KCNJ9: variants seen among roughly 807,000 people sequenced by gnomAD.
KCNJ9 encodes G protein-activated inward rectifier potassium channel 3.
A neutral mutation model predicts 27.9 loss-of-function variants in KCNJ9; 18 were observed. The observed-to-expected ratio is 0.65, with a 90% CI of 0.45 to 0.96. KCNJ9 has a LOEUF of 0.96. KCNJ9 is among the 40% of genes least tolerant of loss of function. The probability of loss-of-function intolerance (pLI) is 0.00; values close to 1 mark genes in which losing one functional copy is unlikely to be tolerated. For missense variants in KCNJ9, 324 were observed against 557.5 expected (o/e 0.58, Z 4.22); for synonymous variants, 229 against 248.2 (o/e 0.92, Z 0.73).
Position 160,090,432 on chromosome 1 carries a change from A to G in KCNJ9, c.*2615A>G, listed in dbSNP as rs929697807. Reference sequence around the variant, plus strand: ...TACAGTGCAACAAGTCAGGAGACCTAGGTCCTACTCCTGACACTTGCTAAT... The same window carrying G: ...TACAGTGCAACAAGTCAGGAGACCTGGGTCCTACTCCTGACACTTGCTAAT... On this transcript the variant is annotated 3_prime_UTR_variant, in exon 3 of 3. Coordinates refer to ENST00000368088, the MANE Select transcript of KCNJ9 (RefSeq NM_004983.3). 2 of 152,472 alleles carry G rather than the reference A, an allele frequency of 1.3e-5. No individual in the cohort carries two copies. Among genetic ancestry groups the G allele is most frequent in the African/African-American group, 4.8e-5 (2 of 41,448 alleles). The allele number at this position is 152,472 out of a possible 1,614,324, so 9.4% of individuals were successfully genotyped here.
rs1334961572 is a variant in KCNJ9 at position 160,084,048 on chromosome 1, G to A, written c.18G>A (p.Ala6=). 2 of 1,516,178 alleles carry A rather than the reference G, an allele frequency of 1.3e-6. No homozygotes were observed. Among genetic ancestry groups the A allele is most frequent in the East Asian group, 2.5e-5 (1 of 40,048 alleles). The allele number at this position is 1,516,178 out of a possible 1,614,324, so 93.9% of individuals were successfully genotyped here. MAQEN[A]AFSPGQEEPP... is the part of the protein sequence containing the mutation. Reference sequence around the variant, plus strand: ...CGGCCGCCATGGCGCAGGAGAACGCGGCCTTCTCGCCCGGGCAGGAGGAGC... The same window carrying A: ...CGGCCGCCATGGCGCAGGAGAACGCAGCCTTCTCGCCCGGGCAGGAGGAGC... The change falls in exon 2 of 3, where the codon GCG becomes GCA. Residue 6 remains alanine (A), a synonymous_variant. Transcript: ENST00000368088.
At position 160,088,155 on chromosome 1, in the gene KCNJ9, T is replaced by C. The variant is rs1049900805; in HGVS notation, c.*338T>C. 7 of 253,530 alleles carry C rather than the reference T, an allele frequency of 2.8e-5. No individual in the cohort carries two copies. The highest frequency in any genetic ancestry group is 1.5e-4 in the East Asian group (2 of 13,606). The allele number at this position is 253,530 out of a possible 1,614,324, so 15.7% of individuals were successfully genotyped here. On this transcript the variant is annotated 3_prime_UTR_variant, in exon 3 of 3. Transcript: ENST00000368088. ...CAGATAAAGACAGCTGACAGATACA[T>C]AGATGGACCAGTAGACAACTGGTCC...
rs756062305 is a variant in KCNJ9, at chr1:160,087,702, G to T, written c.1067G>T (p.Arg356Leu). 2 of 1,417,188 alleles carry T rather than the reference G, an allele frequency of 1.4e-6. No homozygotes were observed. Among genetic ancestry groups the T allele is most frequent in the South Asian group, 2.5e-5 (2 of 81,084 alleles). The allele number at this position is 1,417,188 out of a possible 1,614,324, so 87.8% of individuals were successfully genotyped here. Residue 356 changes from arginine to leucine, a missense_variant, in exon 3 of 3, where the codon CGG (arginine) becomes CTG (leucine). This residue lies in a region of KCNJ9 where 51 missense variants were observed against 44.1 expected (regional missense o/e 1.16). Coordinates refer to ENST00000368088, the MANE Select transcript of KCNJ9 (RefSeq NM_004983.3). ...DAHLYWSIPS[R>L]LDEKVEEEGA... ...CATCTCTACTGGTCCATCCCCAGCC[G>T]GCTGGATGAGAAGGTGGAGGAGGAG...
Position 160,087,702 on chromosome 1 carries a change from G to A in KCNJ9, c.1067G>A (p.Arg356Gln), listed in dbSNP as rs756062305. 1.4e-5 allele frequency: 20 copies of A among 1,417,060 alleles called. No homozygotes were observed. Among genetic ancestry groups the A allele is most frequent in the East Asian group, 3.3e-5 (1 of 30,612 alleles). 87.8% of individuals were successfully genotyped at this position (1,417,060 alleles called of 1,614,324 possible). Residue 356 changes from arginine (R) to glutamine (Q), a missense_variant, in exon 3 of 3, where the codon CGG (arginine) becomes CAG (glutamine). Arg to Gln is a conservative substitution (Grantham distance 43). Transcript: ENST00000368088. ...DAHLYWSIPSRLDEKVEEEGA... is the reference protein window; with the variant it reads ...DAHLYWSIPSQLDEKVEEEGA... Reference sequence around the variant, plus strand: ...CATCTCTACTGGTCCATCCCCAGCCGGCTGGATGAGAAGGTGGAGGAGGAG... The same window carrying A: ...CATCTCTACTGGTCCATCCCCAGCCAGCTGGATGAGAAGGTGGAGGAGGAG...
intron 2 of KCNJ9, 40 bp downstream of exon 2, chr1:160,084,920 G>A (rs1182660125): frequency 1.3e-6 from 2 of 1,486,740 alleles, no homozygotes; most frequent in Non-Finnish European, 9.0e-7. Context: ...GTTGGCAGAG[G>A]GTGGGCGGGA....
intron 2 of KCNJ9, among the ~76,000 whole-genome samples, chr1:160,086,810 A>G (rs1480391660): frequency 6.6e-6 from 1 of 152,248 alleles, no homozygotes; most frequent in African/African-American, 2.4e-5. Flanking sequence ...TACTATACTC[A>G]AAATGCTTAA....
At chr1:160,083,814 A>C (rs1011226971) in intron 1 of KCNJ9, 103 bp from the exon 2 acceptor site, 1 of 309,960 alleles carries the variant, frequency 3.2e-6, no homozygotes, top group Non-Finnish European at 5.8e-6. Flanking sequence ...GCCAGGCAAC[A>C]CGAAGGGACT....
rs142340589 is a variant in KCNJ9 at position 160,087,553 on chromosome 1, A to G, written c.918A>G (p.Ser306=). ...DEVLWGHRFT[S]VLTLEDGFYE... The stretch of plus-strand genomic sequence containing the variant: ...TGCTGTGGGGCCACCGCTTCACGTC[A>G]GTGCTGACTCTGGAGGACGGCTTCT... Residue 306 remains serine (S), a synonymous_variant, in exon 3 of 3, where the codon TCA becomes TCG. Transcript: ENST00000368088. 1 of 1,613,710 alleles carries G rather than the reference A, an allele frequency of 6.2e-7. No individual in the cohort carries two copies. The highest frequency in any genetic ancestry group is 8.5e-7 in the Non-Finnish European group (1 of 1,179,872).
At chr1:160,083,414 C>T (rs1450070272) in intron 1 of KCNJ9, among the ~76,000 whole-genome samples, 1 of 152,152 alleles carries the variant, frequency 6.6e-6, no homozygotes, top group Admixed American at 6.5e-5. Context: ...GACTGTGTAT[C>T]AGTCTTGGGG....
At chr1:160,085,732 A>T (rs180876416) in intron 2 of KCNJ9, among the ~76,000 whole-genome samples, 1 of 152,222 alleles carries the variant, frequency 6.6e-6, no homozygotes, top group African/African-American at 2.4e-5. Context: ...GTCACTTAGG[A>T]CTTGAGATCT....
At position 160,084,510 on chromosome 1, in the gene KCNJ9, G is replaced by A; in HGVS notation, c.480G>A (p.Lys160=). Residue 160 remains lysine (K), a synonymous_variant, in exon 2 of 3, where the codon AAG becomes AAA. Coordinates refer to ENST00000368088, the MANE Select transcript of KCNJ9 (RefSeq NM_004983.3). ...NAFMVGCMFV[K]ISQPNKRAAT... ...TCATGGTGGGCTGCATGTTCGTCAA[G>A]ATCTCGCAGCCCAACAAGCGCGCAG... 1.2e-6 allele frequency: 2 copies of A among 1,613,324 alleles called. No individual in the cohort carries two copies. Among genetic ancestry groups the A allele is most frequent in the Non-Finnish European group, 1.7e-6 (2 of 1,179,832 alleles).
In KCNJ9 at chr1:160,087,731, G is replaced by A; in HGVS notation, c.1096G>A (p.Ala366Thr). Reference protein sequence around the residue: ...RLDEKVEEEGAGEGAGGEAGA... With the variant: ...RLDEKVEEEGTGEGAGGEAGA... Reference sequence around the variant, plus strand: ...GGATGAGAAGGTGGAGGAGGAGGGGGCGGGGGAGGGGGCGGGTGGGGAAGC... The same window carrying A: ...GGATGAGAAGGTGGAGGAGGAGGGGACGGGGGAGGGGGCGGGTGGGGAAGC... Residue 366 changes from alanine (A) to threonine (T), a missense_variant, in exon 3 of 3, where the codon GCG (alanine) becomes ACG (threonine). Ala to Thr is a moderately conservative substitution (Grantham distance 58). Transcript: ENST00000368088. 1 of 789,904 alleles carries A rather than the reference G, an allele frequency of 1.3e-6. No individual in the cohort carries two copies. Among genetic ancestry groups the A allele is most frequent in the South Asian group, 1.8e-5 (1 of 55,134 alleles). 48.9% of individuals were successfully genotyped at this position (789,904 alleles called of 1,614,324 possible).
rs763042444 is a variant in KCNJ9 at position 160,084,270 on chromosome 1, G to A, written c.240G>A (p.Trp80Ter). 2.5e-6 allele frequency: 4 copies of A among 1,613,416 alleles called. No homozygotes were observed. In the Admixed American group the frequency reaches 5.0e-5, roughly 20 times the overall value. The change falls in exon 2 of 3, where the codon TGG becomes TGA. Residue 80 changes from tryptophan (W) to a stop codon, truncating the protein, a stop_gained. Transcript: ENST00000368088. LOFTEE classifies it high-confidence loss of function. ...LTWLFFGAIW[W>*]LIAYGRGDLE... ...GGCTCTTCTTCGGCGCCATCTGGTGGCTGATCGCCTACGGCCGCGGCGACC... is the reference window on the plus strand; with the variant it reads ...GGCTCTTCTTCGGCGCCATCTGGTGACTGATCGCCTACGGCCGCGGCGACC...
At position 160,084,784 on chromosome 1, in the gene KCNJ9, G is replaced by C. The variant is rs746066339; in HGVS notation, c.754G>C (p.Asp252His). 1 of 1,554,278 alleles carries C rather than the reference G, an allele frequency of 6.4e-7. No homozygotes were observed. The highest frequency in any genetic ancestry group is 8.7e-7 in the Non-Finnish European group (1 of 1,149,814). Reference protein sequence around the residue: ...VSPLVISHEIDAASPFWEASR... With the variant: ...VSPLVISHEIHAASPFWEASR... ...GCCGCTGGTTATCAGCCACGAGATC[G>C]ACGCCGCCAGCCCCTTCTGGGAGGC... The change falls in exon 2 of 3, where the codon GAC becomes CAC. Residue 252 changes from aspartate (D) to histidine (H), a missense_variant. Physicochemically the swap from Asp to His is moderately conservative, Grantham distance 81 (BLOSUM62 -1). Around this residue, in one of 3 missense-constraint regions of KCNJ9, gnomAD observed 241 missense variants for 481.7 expected, o/e 0.50. Coordinates refer to ENST00000368088, the MANE Select transcript of KCNJ9 (RefSeq NM_004983.3).
At chr1:160,085,845 C>T (rs1205511618) in intron 2 of KCNJ9, among the ~76,000 whole-genome samples, 1 of 152,236 alleles carries the variant, frequency 6.6e-6, no homozygotes. Flanking sequence ...TGCTCCCTGC[C>T]GGCTTCGCTG....
At chr1:160,086,877 A>G (rs1174906784) in intron 2 of KCNJ9, among the ~76,000 whole-genome samples, 1 of 152,236 alleles carries the variant, frequency 6.6e-6, no homozygotes, top group African/African-American at 2.4e-5. Flanking sequence ...CTGGAAAACC[A>G]GGTCAAATGA....
In KCNJ9 at chr1:160,082,697, C is replaced by T. The variant is rs185232397; in HGVS notation, c.-115+1000C>T. On this transcript the variant is annotated intron_variant, in intron 1 of 2. Transcript: ENST00000368088. Reference sequence around the variant, plus strand: ...CCACCCACTAGCCAGCCCACGTTTCCGTGGAGTGGGAGGAGAGGATCATTC... The same window carrying T: ...CCACCCACTAGCCAGCCCACGTTTCTGTGGAGTGGGAGGAGAGGATCATTC... Among the ~76,000 whole-genome samples, 15 of 152,296 alleles carry T rather than the reference C, an allele frequency of 9.8e-5. No homozygotes were observed. In the East Asian group the frequency reaches 2.1e-3, roughly 22 times the overall value.
In KCNJ9 at chr1:160,084,040, G is replaced by A. The variant is rs762040830; in HGVS notation, c.10G>A (p.Glu4Lys). MAQ[E>K]NAAFSPGQEE... The stretch of plus-strand genomic sequence containing the variant: ...CCCTGACGCGGCCGCCATGGCGCAG[G>A]AGAACGCGGCCTTCTCGCCCGGGCA... Residue 4 changes from glutamate to lysine, a missense_variant, in exon 2 of 3, where the codon GAG becomes AAG. By Grantham distance (56) the Glu-to-Lys change is moderately conservative (BLOSUM62 1). This residue lies in a region of KCNJ9 where 32 missense variants were observed against 31.7 expected (regional missense o/e 1.01). Transcript: ENST00000368088. The A allele has an allele frequency of 6.6e-7, 1 of 1,508,020 alleles. No individual in the cohort carries two copies. The highest frequency in any genetic ancestry group is 1.2e-5 in the South Asian group (1 of 80,946). 93.4% of individuals were successfully genotyped at this position (1,508,020 alleles called of 1,614,324 possible). A position where few individuals can be genotyped will look rare whatever the true frequency, so the allele number is the denominator to read the frequency against.
Position 160,087,701 on chromosome 1 carries a change from C to A in KCNJ9, c.1066C>A (p.Arg356=). ...DAHLYWSIPS[R]LDEKVEEEGA... is the part of the protein sequence containing the mutation. ...CCATCTCTACTGGTCCATCCCCAGC[C>A]GGCTGGATGAGAAGGTGGAGGAGGA... Residue 356 remains arginine (R), a synonymous_variant, in exon 3 of 3, where the codon CGG becomes AGG. Coordinates refer to ENST00000368088, the MANE Select transcript of KCNJ9 (RefSeq NM_004983.3). The A allele has an allele frequency of 7.9e-7, 1 of 1,265,344 alleles. No homozygotes were observed. Among genetic ancestry groups the A allele is most frequent in the Non-Finnish European group, 1.0e-6 (1 of 987,966 alleles). 78.4% of individuals were successfully genotyped at this position (1,265,344 alleles called of 1,614,324 possible).
Sources: allele counts gnomAD v4.1 joint callset (sites outside exome capture counted in the v4.1 genomes callset), GRCh38; gene constraint gnomAD v4.1.1; regional missense constraint gnomAD v4.1.1; transcripts MANE v1.5; gene names NCBI Gene and HGNC (gene_info 2026-07-23, HGNC 2026-07-21).